The following TNFSF4 variants were observed in gnomAD, a reference collection of about 807,000 sequenced individuals.
TNFSF4 encodes tumor necrosis factor ligand superfamily member 4.
Under a neutral mutation model 7.3 loss-of-function variants are expected in TNFSF4, and 4 were observed. The ratio of observed to expected loss-of-function variants is 0.55; its 90% CI spans 0.27 to 1.25. The LOEUF (loss-of-function observed/expected upper bound fraction) is 1.25. TNFSF4 is among the 50% of genes most tolerant of loss of function. The pLI is 0.12. For synonymous variants in TNFSF4, 76 were observed against 83.7 expected (o/e 0.91, Z 0.50); for missense variants, 181 against 208.8 (o/e 0.87, Z 0.82).
At chr1:173,262,809 C>A in the TNFSF4 span, among the ~76,000 whole-genome samples, 1 of 152,012 alleles carries the variant, frequency 6.6e-6, no homozygotes, top group African/African-American at 2.4e-5. Context: ...ACCGTGTTAG[C>A]CAGGATAGTT....
At chr1:173,176,673 C>T in the TNFSF4 span, among the ~76,000 whole-genome samples, 1 of 152,102 alleles carries the variant, frequency 6.6e-6, no homozygotes, top group Non-Finnish European at 1.5e-5. Flanking sequence ...CACATAGATA[C>T]ATATGTTCAT....
chr1:173,198,975 C>G (rs552108125), intron 1 of TNFSF4, among the ~76,000 whole-genome samples: 92 of 152,264 alleles, frequency 6.0e-4, no homozygotes, highest in African/African-American at 2.2e-3. Flanking sequence ...GGCAGTGAAA[C>G]CAAGTACCTA....
the TNFSF4 span, among the ~76,000 whole-genome samples, chr1:173,318,065 A>G: frequency 9.9e-5 from 15 of 152,236 alleles, no homozygotes; most frequent in Non-Finnish European, 1.6e-4. Flanking sequence ...AACACGTAGT[A>G]GCTGGACAAT....
chr1:173,259,048 C>A, the TNFSF4 span, among the ~76,000 whole-genome samples: 1 of 152,070 alleles, frequency 6.6e-6, no homozygotes, highest in Non-Finnish European at 1.5e-5. Context: ...TGGGTGAGAC[C>A]CCCAGCCAAC....
intron 1 of TNFSF4, among the ~76,000 whole-genome samples, chr1:173,193,015 A>T (rs1043470374): frequency 5.9e-5 from 9 of 152,238 alleles, no homozygotes; most frequent in Non-Finnish European, 1.3e-4. Context: ...TATAAACTAT[A>T]TGACAACAGA....
At chr1:173,275,526 T>C in the TNFSF4 span, among the ~76,000 whole-genome samples, 1 of 152,114 alleles carries the variant, frequency 6.6e-6, no homozygotes, top group Non-Finnish European at 1.5e-5. Context: ...ATTTCCACAT[T>C]TTTGTGATTA....
At chr1:173,393,699 G>A in the TNFSF4 span, among the ~76,000 whole-genome samples, 1 of 152,206 alleles carries the variant, frequency 6.6e-6, no homozygotes, top group Non-Finnish European at 1.5e-5. Context: ...CCCATAGAAT[G>A]ATGATTTTAA....
At chr1:173,373,494 C>A in the TNFSF4 span, among the ~76,000 whole-genome samples, 1 of 152,162 alleles carries the variant, frequency 6.6e-6, no homozygotes, top group East Asian at 1.9e-4. Context: ...AGTACTCATA[C>A]CCCAAGCCAG....
At chr1:173,267,020 C>T in the TNFSF4 span, among the ~76,000 whole-genome samples, 8 of 152,160 alleles carry the variant, frequency 5.3e-5, no homozygotes, top group African/African-American at 1.9e-4. Context: ...GTCTTATACT[C>T]ATATGCTTTC....
the TNFSF4 span, among the ~76,000 whole-genome samples, chr1:173,281,179 G>A: frequency 5.3e-5 from 8 of 151,712 alleles, no homozygotes; most frequent in South Asian, 2.1e-4. Flanking sequence ...CACAAAGTTC[G>A]TTGGCACATT....
the TNFSF4 span, among the ~76,000 whole-genome samples, chr1:173,250,463 G>GC: frequency 7.1e-6 from 1 of 139,924 alleles, no homozygotes; most frequent in African/African-American, 2.6e-5. Context: ...TTGTTTTTTT[G>GC]TTTTTTTTTT....
chr1:173,186,483 T>C lies in TNFSF4; in HGVS notation c.*33A>G. On this transcript the variant is annotated 3_prime_UTR_variant, in exon 3 of 3. Transcript: ENST00000281834. ...TCCACCCCCAGCTTGGTGTTCATGC[T>C]GGTGCCTGGTTTTAGATATTGCCAT... The C allele has an allele frequency of 6.5e-7, 1 of 1,549,050 alleles. No individual in the cohort carries two copies. Among genetic ancestry groups the C allele is most frequent in the Non-Finnish European group, 8.8e-7 (1 of 1,134,258 alleles).
the TNFSF4 span, among the ~76,000 whole-genome samples, chr1:173,302,584 A>G: frequency 6.6e-6 from 1 of 151,958 alleles, no homozygotes; most frequent in African/African-American, 2.4e-5. Flanking sequence ...TGTGAAGATA[A>G]CAGGGTATGA....
chr1:173,375,860 T>C, the TNFSF4 span, among the ~76,000 whole-genome samples: 2 of 152,034 alleles, frequency 1.3e-5, no homozygotes, highest in East Asian at 3.9e-4. Context: ...TTACTACCAC[T>C]CACTCTTTGG....
chr1:173,288,228 G>A, the TNFSF4 span, among the ~76,000 whole-genome samples: 1 of 152,126 alleles, frequency 6.6e-6, no homozygotes, highest in African/African-American at 2.4e-5. Flanking sequence ...CAAGGTGGGT[G>A]GATTGCTTGA....
At chr1:173,262,114 T>G in the TNFSF4 span, among the ~76,000 whole-genome samples, 4 of 152,082 alleles carry the variant, frequency 2.6e-5, no homozygotes, top group African/African-American at 9.7e-5. Flanking sequence ...CAGCAGTACA[T>G]CAAAGAGCTT....
intron 1 of TNFSF4, among the ~76,000 whole-genome samples, chr1:173,202,388 A>G (rs573972511): frequency 5.3e-5 from 8 of 152,338 alleles, no homozygotes; most frequent in African/African-American, 1.4e-4. Context: ...TTTAGAAAAT[A>G]TCATCACTCT....
the TNFSF4 span, among the ~76,000 whole-genome samples, chr1:173,263,855 G>C: frequency 2.0e-5 from 3 of 152,192 alleles, no homozygotes; most frequent in Non-Finnish European, 2.9e-5. Flanking sequence ...GAGAGGAAAA[G>C]GCTGTGAGCA....
At chr1:173,442,342 C>A in the TNFSF4 span, among the ~76,000 whole-genome samples, 125 of 152,110 alleles carry the variant, frequency 8.2e-4, no homozygotes, top group African/African-American at 2.7e-3. Context: ...TCAAGAGTAT[C>A]CAAGTGATCC....
Sources: allele counts gnomAD v4.1 joint callset (sites outside exome capture counted in the v4.1 genomes callset), GRCh38; gene constraint gnomAD v4.1.1; transcripts MANE v1.5; gene names NCBI Gene and HGNC (gene_info 2026-07-23, HGNC 2026-07-21).